The following CPSF1 variants were observed in gnomAD, a reference collection of about 807,000 sequenced individuals.
CPSF1 encodes cleavage and polyadenylation specificity factor subunit 1.
Under a neutral mutation model 175.8 loss-of-function variants are expected in CPSF1, and 106 were observed. The ratio of observed to expected loss-of-function variants is 0.60; its 90% confidence interval spans 0.52 to 0.71. The LOEUF (loss-of-function observed/expected upper bound fraction) is 0.71. Among genes scored for constraint, CPSF1 ranks in the 30% least tolerant of loss-of-function variants. CPSF1 has a pLI of 0.00. For synonymous variants in CPSF1, 1,024 were observed against 858.3 expected, an observed-to-expected ratio of 1.19 and a Z score of -3.37; for missense variants, 1,734 against 2,022.9, an observed-to-expected ratio of 0.86 and a Z score of 2.74.
intron 2 of CPSF1, among the ~76,000 whole-genome samples, chr8:144,407,869 C>T (rs2116909587): frequency 7.2e-5 from 11 of 152,068 alleles, no homozygotes; most frequent in Admixed American, 1.3e-4. Context: ...CAGGACTCGC[C>T]GTGGCTTCAG....
At position 144,398,072 on chromosome 8, in the gene CPSF1, G is replaced by A. The variant is rs1564690010; in HGVS notation, c.1955C>T (p.Ala652Val). Residue 652 changes from alanine (A) to valine (V), a missense_variant, in exon 20 of 38, where the codon GCC becomes GTC. Ala to Val is a moderately conservative substitution (Grantham distance 64, BLOSUM62 0). Transcript: ENST00000616140. ...ACTCATGATGACCACATAGGGGTCG[G>A]CCACGGCGCACTGCACGATGGGGGC... ...LGAPIVQCAV[A>V]DPYVVIMSAE... The A allele has an allele frequency of 6.2e-7, 1 of 1,612,008 alleles. No individual in the cohort carries two copies.
intron 2 of CPSF1, among the ~76,000 whole-genome samples, chr8:144,406,917 TTAC>T (rs1424290317): frequency 5.3e-5 from 8 of 152,182 alleles, no homozygotes; most frequent in Admixed American, 1.3e-4. Context: ...TAACAGTGTA[TTAC>T]TACTACTTTT....
In CPSF1 at chr8:144,401,537, C is replaced by G. The variant is rs2116885440; in HGVS notation, c.199G>C (p.Glu67Gln). Reference protein sequence around the residue: ...TEGKAHREKLELAASFSFFGN... With the variant: ...TEGKAHREKLQLAASFSFFGN... ...AAGAAGGAGAAGGAGGCAGCAAGCT[C>G]GAGCTTCTCCCGGTGGGCCTTCCCC... Residue 67 changes from glutamate (E) to glutamine (Q), a missense_variant, in exon 4 of 38, where the codon GAG (glutamate) becomes CAG (glutamine). Physicochemically the swap from Glu to Gln is conservative, Grantham distance 29 (BLOSUM62 2). Around this residue, in one of 10 missense-constraint regions of CPSF1, gnomAD observed 126 missense variants for 117.9 expected, o/e 1.07. Transcript: ENST00000616140. 6.2e-7 allele frequency: 1 copy of G among 1,613,854 alleles called. No homozygotes were observed. Among genetic ancestry groups the G allele is most frequent in the Non-Finnish European group, 8.5e-7 (1 of 1,179,928 alleles).
At chr8:144,400,145 C>CCCCAGCCA in intron 9 of CPSF1, 21 bp downstream of exon 9, 2 of 1,367,646 alleles carry the variant, frequency 1.5e-6, no homozygotes, top group Non-Finnish European at 2.0e-6. Flanking sequence ...GCCCCCCCCG[C>CCCCAGCCA]CCCAGCCACC....
At chr8:144,397,162 G>A in intron 23 of CPSF1, 45 bp downstream of exon 23, 5 of 1,495,332 alleles carry the variant, frequency 3.3e-6, no homozygotes, top group Non-Finnish European at 4.5e-6. Context: ...AACGGGCAGG[G>A]CCAGGGGGAA....
chr8:144,396,305 G>A, intron 26 of CPSF1, 43 bp downstream of exon 26: 1 of 1,551,670 alleles, frequency 6.4e-7, no homozygotes, highest in South Asian at 1.2e-5. Flanking sequence ...CCCCCAGCTG[G>A]GGCAGCATCA....
intron 2 of CPSF1, among the ~76,000 whole-genome samples, chr8:144,406,403 C>T (rs1384998523): frequency 1.3e-5 from 2 of 152,208 alleles, no homozygotes; most frequent in Non-Finnish European, 2.9e-5. Flanking sequence ...TCGAGTCCCT[C>T]CCAGCTGCCT....
In CPSF1 at chr8:144,399,680, G is replaced by A. The variant is rs1554865676; in HGVS notation, c.1150C>T (p.Leu384=). The A allele has an allele frequency of 4.3e-6, 7 of 1,610,736 alleles. No individual in the cohort carries two copies. The highest frequency in any genetic ancestry group is 4.5e-5 in the East Asian group (2 of 44,770). The change falls in exon 12 of 38, where the codon CTG becomes TTG. Residue 384 remains leucine (L), a synonymous_variant. Coordinates refer to ENST00000616140, the MANE Select transcript of CPSF1 (RefSeq NM_013291.3). This position sits in a 1 kb window ranked among gnomAD's most constrained non-coding sequence, Gnocchi z 6.4. The part of the protein sequence containing the change: ...MVTMEPGYLF[L]GSRLGNSLLL... ...AGGGAATTGCCCAGGCGAGAACCCA[G>A]GAACAGGTACCCGGGCTCCATGGTG...
intron 2 of CPSF1, among the ~76,000 whole-genome samples, chr8:144,405,429 C>A (rs1444857851): frequency 1.3e-5 from 2 of 152,210 alleles, no homozygotes; most frequent in Non-Finnish European, 2.9e-5. Flanking sequence ...TCGAGACCAG[C>A]CTGGCCAACA....
intron 2 of CPSF1, among the ~76,000 whole-genome samples, chr8:144,404,980 G>A (rs1322648455): frequency 6.6e-6 from 1 of 151,824 alleles, no homozygotes; most frequent in Non-Finnish European, 1.5e-5. Flanking sequence ...AGGAGGTGGA[G>A]CTTGCAGTGA....
At chr8:144,401,337 C>G (rs1554867030) in intron 4 of CPSF1, 46 bp from the exon 5 acceptor site, 3 of 1,604,450 alleles carry the variant, frequency 1.9e-6, no homozygotes, top group Non-Finnish European at 2.6e-6. Flanking sequence ...CCGGTCCTGA[C>G]AGTGTCGCCC....
At position 144,399,251 on chromosome 8, in the gene CPSF1, G is replaced by A. The variant is rs2116860874; in HGVS notation, c.1392+25C>T. On this transcript the variant is annotated intron_variant, in intron 14 of 37. Coordinates refer to ENST00000616140, the MANE Select transcript of CPSF1 (RefSeq NM_013291.3). This position sits in a 1 kb window ranked among gnomAD's most constrained non-coding sequence, Gnocchi z 6.4. ...GCCCGCTGGGGGCGCTGGCTGGGAC[G>A]GGGGCCCTGCTGCCTCAATCTCACC... 37 of 1,611,920 alleles carry A rather than the reference G, an allele frequency of 2.3e-5. No homozygotes were observed. Among genetic ancestry groups the A allele is most frequent in the Non-Finnish European group, 2.8e-5 (33 of 1,179,624 alleles).
chr8:144,394,866 C>G lies in CPSF1; in HGVS notation c.3414+16G>C. 1.2e-6 allele frequency: 2 copies of G among 1,611,862 alleles called. No individual in the cohort carries two copies. Among genetic ancestry groups the G allele is most frequent in the Non-Finnish European group, 1.7e-6 (2 of 1,179,220 alleles). ...GAGGGGCTGCCAGTTCCCGCCCCCG[C>G]TCACTGGCCCCTTACCCGCCCTCGG... On this transcript the variant is annotated intron_variant, in intron 30 of 37. Coordinates refer to ENST00000616140, the MANE Select transcript of CPSF1 (RefSeq NM_013291.3).
Position 144,400,509 on chromosome 8 carries a change from G to T in CPSF1, c.687-16C>A, listed in dbSNP as rs201284824. ...GGCCACGCGCCTGGGGACGCCAGTG[G>T]GTCAGCCAAGGGCCTTGCCTCCCCG... On this transcript the variant is annotated splice_polypyrimidine_tract_variant and intron_variant, in intron 7 of 37. Coordinates refer to ENST00000616140, the MANE Select transcript of CPSF1 (RefSeq NM_013291.3). 30 of 1,611,856 alleles carry T rather than the reference G, an allele frequency of 1.9e-5. No individual in the cohort carries two copies. The African/African-American group carries it at 3.6e-4, about 19-fold the overall frequency.
rs1554868239 is a variant in CPSF1, at chr8:144,404,117, G to C, written c.145-2444C>G. Reference sequence around the variant, plus strand: ...AGGTGCCTGTAGTCCCAGCTACTCAGGAGGCTAAGGCAGGAGAATCGCTTG... The same window carrying C: ...AGGTGCCTGTAGTCCCAGCTACTCACGAGGCTAAGGCAGGAGAATCGCTTG... On this transcript the variant is annotated intron_variant, in intron 2 of 37. Coordinates refer to ENST00000616140, the MANE Select transcript of CPSF1 (RefSeq NM_013291.3). 2.0e-5 allele frequency among the ~76,000 whole-genome samples: 3 copies of C among 151,796 alleles called. No individual in the cohort carries two copies. In the East Asian group the frequency reaches 6.1e-4, roughly 31 times the overall value.
Position 144,399,945 on chromosome 8 carries a change from TG to T in CPSF1, c.1031+46del. On this transcript the variant is annotated intron_variant, in intron 10 of 37. Coordinates refer to ENST00000616140, the MANE Select transcript of CPSF1 (RefSeq NM_013291.3). This position sits in a 1 kb window ranked among gnomAD's most constrained non-coding sequence, Gnocchi z 6.4. ...GGGGGCCAGGGGACCCTACAGGACT[TG>T]TGGGGGGCGGTGTGGGCAGAGTTCA... The T allele has an allele frequency of 6.7e-7, 1 of 1,497,522 alleles. No homozygotes were observed. The highest frequency in any genetic ancestry group is 9.0e-7 in the Non-Finnish European group (1 of 1,114,068). The allele number at this position is 1,497,522 out of a possible 1,614,324, so 92.8% of individuals were successfully genotyped here.
At position 144,394,597 on chromosome 8, in the gene CPSF1, C is replaced by T. The variant is rs180906707; in HGVS notation, c.3568-42G>A. Reference sequence around the variant, plus strand: ...GGGTGAGCGGGCGCGGACGGGGAGCCGGGTGAGGGTGAGCCGGGGGACACA... The same window carrying T: ...GGGTGAGCGGGCGCGGACGGGGAGCTGGGTGAGGGTGAGCCGGGGGACACA... On this transcript the variant is annotated intron_variant, in intron 31 of 37. Coordinates refer to ENST00000616140, the MANE Select transcript of CPSF1 (RefSeq NM_013291.3). 2.6e-4 allele frequency: 416 copies of T among 1,602,118 alleles called. 3 individuals are homozygous for T. The East Asian group carries it at 6.9e-3, about 27-fold the overall frequency.
chr8:144,400,825 G>A lies in CPSF1; in HGVS notation c.540-8C>T, dbSNP rs910276926. 8 of 1,613,120 alleles carry A rather than the reference G, an allele frequency of 5.0e-6. No homozygotes were observed. The highest frequency in any genetic ancestry group is 5.9e-6 in the Non-Finnish European group (7 of 1,179,900). ...AGGAAGCTGGACCTCTGCCTGGGGG[G>A]CCAGGGGCTTCAGCAGGAGAGGAGG... On this transcript the variant is annotated splice_polypyrimidine_tract_variant and splice_region_variant and intron_variant, in intron 6 of 37. Coordinates refer to ENST00000616140, the MANE Select transcript of CPSF1 (RefSeq NM_013291.3).
At position 144,396,884 on chromosome 8, in the gene CPSF1, C is replaced by T. The variant is rs1470854849; in HGVS notation, c.2638G>A (p.Asp880Asn). The T allele has an allele frequency of 1.9e-6, 3 of 1,613,892 alleles. No individual in the cohort carries two copies. Among genetic ancestry groups the T allele is most frequent in the Non-Finnish European group, 2.5e-6 (3 of 1,179,942 alleles). ...AGATTGCCCTGGCCGAGCTGAGAGT[C>T]GTGGGGGAAGGCCTCGTAGATAAGC... ...ELLIYEAFPH[D>N]SQLGQGNLKV... Residue 880 changes from aspartate to asparagine, a missense_variant, in exon 24 of 38, where the codon GAC (aspartate) becomes AAC (asparagine). Transcript: ENST00000616140.
Sources: gnomAD v4.1 joint callset for allele counts (sites outside exome capture counted in the v4.1 genomes callset) on GRCh38, gnomAD v4.1.1 for gene constraint, gnomAD v4.1.1 regional missense constraint, Gnocchi (gnomAD v3.1) non-coding constraint, MANE v1.5 for transcripts, NCBI Gene and HGNC (gene_info 2026-07-23, HGNC 2026-07-21) for gene names.